KCNH7: variants seen among roughly 807,000 people sequenced by gnomAD.
The protein encoded by KCNH7 is voltage-gated inwardly rectifying potassium channel KCNH7.
KCNH7 carries 49 observed loss-of-function variants against 120.8 expected under a neutral mutation model. The ratio of observed to expected loss-of-function variants is 0.41; its 90% CI spans 0.32 to 0.51. The LOEUF is 0.51. Among genes scored for constraint, KCNH7 ranks in the 20% least tolerant of loss-of-function variants. The pLI is 0.38. For synonymous variants in KCNH7, 547 were observed against 516.1 expected, an observed-to-expected ratio of 1.06 and a Z score of -0.81; for missense variants, 1,097 against 1,446.6, an observed-to-expected ratio of 0.76 and a Z score of 3.92.
chr2:162,639,039 A>G (rs1468002565), intron 2 of KCNH7, among the ~76,000 whole-genome samples: 2 of 152,118 alleles, frequency 1.3e-5, no homozygotes, highest in African/African-American at 2.4e-5. Context: ...GCCTCTGCCT[A>G]TTAGATACTA....
chr2:162,814,575 T>C (rs1410670774), intron 2 of KCNH7, among the ~76,000 whole-genome samples: 1 of 152,218 alleles, frequency 6.6e-6, no homozygotes, highest in Non-Finnish European at 1.5e-5. Flanking sequence ...CACAATAAGA[T>C]GTAATGAATT....
At chr2:162,607,693 A>G (rs1013120478) in intron 2 of KCNH7, among the ~76,000 whole-genome samples, 1 of 152,156 alleles carries the variant, frequency 6.6e-6, no homozygotes, top group Non-Finnish European at 1.5e-5. Flanking sequence ...ATCTTTATTA[A>G]CAGTTAATAT....
chr2:162,773,153 T>C (rs1683116635), intron 2 of KCNH7, among the ~76,000 whole-genome samples: 1 of 152,132 alleles, frequency 6.6e-6, no homozygotes, highest in Non-Finnish European at 1.5e-5. Flanking sequence ...ACAAGATAAT[T>C]TGTAACTGTC....
intron 2 of KCNH7, among the ~76,000 whole-genome samples, chr2:162,677,978 G>A (rs1396145212): frequency 6.6e-6 from 1 of 151,286 alleles, no homozygotes; most frequent in East Asian, 1.9e-4. Context: ...CTATTGGATT[G>A]TTATCAAGTT....
intron 6 of KCNH7, among the ~76,000 whole-genome samples, chr2:162,472,166 A>G (rs182204416): frequency 6.6e-6 from 1 of 152,362 alleles, no homozygotes; most frequent in Admixed American, 6.5e-5. Context: ...ACTATTCAGG[A>G]CATACGCATG....
chr2:162,611,509 G>A (rs745395749), intron 2 of KCNH7, among the ~76,000 whole-genome samples: 9 of 152,090 alleles, frequency 5.9e-5, no homozygotes, highest in African/African-American at 9.7e-5. Flanking sequence ...ATTAAGAGAT[G>A]TTGTTTTACT....
chr2:162,575,184 G>A (rs1693628505), intron 2 of KCNH7, among the ~76,000 whole-genome samples: 1 of 152,058 alleles, frequency 6.6e-6, no homozygotes, highest in African/African-American at 2.4e-5. Context: ...GGTTGAGAGC[G>A]TGTAAAGCCT....
At chr2:162,507,026 T>A (rs993676008) in intron 5 of KCNH7, among the ~76,000 whole-genome samples, 10 of 151,872 alleles carry the variant, frequency 6.6e-5, no homozygotes, top group Non-Finnish European at 2.9e-5. Context: ...AACACCACAA[T>A]GTGCTTTTTA....
chr2:162,824,510 C>A (rs769195794), intron 2 of KCNH7, among the ~76,000 whole-genome samples: 1 of 152,032 alleles, frequency 6.6e-6, no homozygotes, highest in Non-Finnish European at 1.5e-5. Context: ...GGAGGGAAGA[C>A]CTGACAATTG....
At chr2:162,602,230 G>A (rs968413104) in intron 2 of KCNH7, among the ~76,000 whole-genome samples, 1 of 152,058 alleles carries the variant, frequency 6.6e-6, no homozygotes, top group Non-Finnish European at 1.5e-5. Context: ...TCCCGAGTGA[G>A]AGCCAAACCA....
At chr2:162,716,064 A>G (rs1434724171) in intron 2 of KCNH7, among the ~76,000 whole-genome samples, 2 of 151,726 alleles carry the variant, frequency 1.3e-5, no homozygotes, top group Non-Finnish European at 2.9e-5. Flanking sequence ...CTTTTCCTTC[A>G]TTGCTGTGCT....
intron 2 of KCNH7, among the ~76,000 whole-genome samples, chr2:162,770,724 T>C (rs1683017469): frequency 6.6e-6 from 1 of 152,138 alleles, no homozygotes; most frequent in South Asian, 2.1e-4. Context: ...TCTTATGTTC[T>C]TGTGTATTAT....
intron 2 of KCNH7, among the ~76,000 whole-genome samples, chr2:162,781,952 A>G (rs1683509893): frequency 6.6e-6 from 1 of 152,218 alleles, no homozygotes; most frequent in African/African-American, 2.4e-5. Context: ...GGTGAGATGA[A>G]AATCACGATG....
At chr2:162,798,992 C>T (rs895131800) in intron 2 of KCNH7, among the ~76,000 whole-genome samples, 2 of 151,956 alleles carry the variant, frequency 1.3e-5, no homozygotes, top group African/African-American at 2.4e-5. Context: ...TACTGTGCAA[C>T]ACTTCTAGAC....
chr2:162,787,303 T>G (rs1683745523), intron 2 of KCNH7, among the ~76,000 whole-genome samples: 2 of 152,128 alleles, frequency 1.3e-5, no homozygotes, highest in African/African-American at 4.8e-5. Flanking sequence ...CACCTTAGTG[T>G]CAAGCTGGCT....
chr2:162,772,893 C>A (rs967418252), intron 2 of KCNH7, among the ~76,000 whole-genome samples: 2 of 152,034 alleles, frequency 1.3e-5, no homozygotes, highest in African/African-American at 2.4e-5. Flanking sequence ...AGAAGAAAAA[C>A]AAAAAGGTCT....
intron 6 of KCNH7, among the ~76,000 whole-genome samples, chr2:162,476,519 A>G (rs1689754319): frequency 6.6e-6 from 1 of 152,204 alleles, no homozygotes; most frequent in African/African-American, 2.4e-5. Flanking sequence ...AAAGGTTATG[A>G]ATCTGAAACT....
At chr2:162,651,191 A>C (rs528476284) in intron 2 of KCNH7, among the ~76,000 whole-genome samples, 1 of 152,312 alleles carries the variant, frequency 6.6e-6, no homozygotes, top group African/African-American at 2.4e-5. Context: ...CTTAGTGCAT[A>C]ATTTTTGAAA....
intron 6 of KCNH7, among the ~76,000 whole-genome samples, chr2:162,473,211 A>G (rs916477181): frequency 6.6e-6 from 1 of 152,152 alleles, no homozygotes; most frequent in Admixed American, 6.5e-5. Flanking sequence ...CCTAGAACTT[A>G]AAGTATAATT....
Sources: allele counts gnomAD v4.1 joint callset (sites outside exome capture counted in the v4.1 genomes callset), GRCh38; gene constraint gnomAD v4.1.1; transcripts MANE v1.5; gene names NCBI Gene and HGNC (gene_info 2026-07-23, HGNC 2026-07-21).